The following GALM variants were observed in gnomAD, a reference collection of about 807,000 sequenced individuals.
GALM encodes aldose 1-epimerase.
In GALM, 43 loss-of-function variants were observed where a neutral mutation model predicts 37.4. That is an observed-to-expected ratio of 1.15 (90% CI 0.90 to 1.48). GALM has a LOEUF of 1.48. Ranked by LOEUF, GALM falls within the 40% of genes most tolerant of loss-of-function variation. The probability of loss-of-function intolerance (pLI) is 0.00; values close to 1 mark genes in which losing one functional copy is unlikely to be tolerated. For synonymous variants in GALM, 199 were observed against 170.6 expected (o/e 1.17, Z -1.30); for missense variants, 456 against 419.1 (o/e 1.09, Z -0.77).
intron 2 of GALM, among the ~76,000 whole-genome samples, chr2:38,678,056 T>G (rs1572513318): frequency 6.6e-6 from 1 of 151,746 alleles, no homozygotes; most frequent in African/African-American, 2.4e-5. Flanking sequence ...TGCTTTCATT[T>G]TCCAGGCTGG....
chr2:38,693,226 T>C (rs928870052), intron 4 of GALM, among the ~76,000 whole-genome samples: 1 of 152,180 alleles, frequency 6.6e-6, no homozygotes, highest in East Asian at 1.9e-4. Context: ...CTAATGCCTG[T>C]AATCCCAGCA....
At chr2:38,701,461 CTT>C (rs1426972457) in intron 4 of GALM, among the ~76,000 whole-genome samples, 5 of 152,162 alleles carry the variant, frequency 3.3e-5, no homozygotes, top group Admixed American at 6.5e-5. Context: ...AAAATCCCCT[CTT>C]CTTTTTTATT....
chr2:38,676,667 G>A (rs937059485), intron 2 of GALM, among the ~76,000 whole-genome samples: 5 of 152,218 alleles, frequency 3.3e-5, no homozygotes, highest in Admixed American at 1.3e-4. Context: ...GGAGGCTGAG[G>A]CAAGAGAATC....
intron 4 of GALM, among the ~76,000 whole-genome samples, chr2:38,715,053 A>G (rs1173464369): frequency 2.6e-5 from 4 of 152,288 alleles, no homozygotes; most frequent in Non-Finnish European, 5.9e-5. Flanking sequence ...GGTTGGGTGA[A>G]TACATATTTA....
Position 38,724,932 on chromosome 2 carries a change from T to C in GALM, c.635-4624T>C, listed in dbSNP as rs79324535. ...ATTGCTTGGTAACAGGAAAGAGACC[T>C]GATGTATGCCCTCTGTCTTTCCTTC... On this transcript the variant is annotated intron_variant, in intron 4 of 6. Transcript: ENST00000272252. 4.9e-3 allele frequency among the ~76,000 whole-genome samples: 739 copies of C among 152,314 alleles called. 28 individuals are homozygous for C. The South Asian group carries it at 0.069, about 14-fold the overall frequency.
At chr2:38,709,564 A>C (rs532634147) in intron 4 of GALM, among the ~76,000 whole-genome samples, 15 of 152,216 alleles carry the variant, frequency 9.9e-5, no homozygotes, top group South Asian at 6.2e-4. Context: ...AAAAAAAAAA[A>C]AAACATAAGA....
chr2:38,729,000 A>G (rs183893341), intron 4 of GALM, among the ~76,000 whole-genome samples: 2 of 152,278 alleles, frequency 1.3e-5, no homozygotes, highest in East Asian at 3.9e-4. Context: ...GTTACTATAT[A>G]TTTATGAGTA....
intron 5 of GALM, 80 bp from the exon 6 acceptor site, chr2:38,731,655 T>A: frequency 9.4e-7 from 1 of 1,060,226 alleles, no homozygotes; most frequent in Non-Finnish European, 1.4e-6. Flanking sequence ...CTGATTCCTG[T>A]CTCAAAGCCG....
At chr2:38,683,307 A>G (rs897325468) in intron 3 of GALM, among the ~76,000 whole-genome samples, 12 of 152,174 alleles carry the variant, frequency 7.9e-5, no homozygotes, top group African/African-American at 2.7e-4. Flanking sequence ...TTCCTAGATC[A>G]TAGACCCCAC....
At chr2:38,672,801 G>A (rs984282582) in intron 1 of GALM, among the ~76,000 whole-genome samples, 1 of 151,874 alleles carries the variant, frequency 6.6e-6, no homozygotes, top group African/African-American at 2.4e-5. Flanking sequence ...GAGGTCAGGA[G>A]TTTGAGACCA....
Position 38,731,844 on chromosome 2 carries a change from GCTGT to G in GALM, c.889_892del (p.Val297IlefsTer28), listed in dbSNP as rs1288569312. The G allele has an allele frequency of 6.2e-7, 1 of 1,614,106 alleles. No homozygotes were observed. The highest frequency in any genetic ancestry group is 1.3e-5 in the African/African-American group (1 of 75,030). On this transcript the variant is annotated frameshift_variant, in exon 6 of 7. Coordinates refer to ENST00000272252, the MANE Select transcript of GALM (RefSeq NM_138801.3). LOFTEE classifies it high-confidence loss of function. ...TGGCACATTAAAGGGCAAGAATGGA[GCTGT>G]CTATCCCAAGCACTCCGGTTTCTGC... is the stretch of plus-strand genomic sequence containing the variant.
chr2:38,702,877 C>T (rs1418348798), intron 4 of GALM, among the ~76,000 whole-genome samples: 1 of 145,558 alleles, frequency 6.9e-6, no homozygotes, highest in South Asian at 2.2e-4. Flanking sequence ...CTCTCCTTTA[C>T]ATTTGTTTTA....
intron 4 of GALM, among the ~76,000 whole-genome samples, chr2:38,727,620 G>A (rs538695802): frequency 7.2e-5 from 11 of 151,754 alleles, no homozygotes; most frequent in Admixed American, 5.3e-4. Context: ...CCAGCTCCTC[G>A]GGAGGCTGAG....
At chr2:38,688,513 G>GAA (rs201363784) in intron 3 of GALM, among the ~76,000 whole-genome samples, 6 of 138,108 alleles carry the variant, frequency 4.3e-5, no homozygotes, top group African/African-American at 1.6e-4. Context: ...CTCGGTCTCA[G>GAA]AAAAAAAAAA....
chr2:38,684,883 A>T (rs1037425684), intron 3 of GALM, among the ~76,000 whole-genome samples: 2 of 152,164 alleles, frequency 1.3e-5, no homozygotes, highest in African/African-American at 4.8e-5. Flanking sequence ...GTCTGGGGGA[A>T]TTCGAGATGA....
chr2:38,694,723 C>T (rs887246336), intron 4 of GALM, among the ~76,000 whole-genome samples: 19 of 151,662 alleles, frequency 1.3e-4, no homozygotes, highest in African/African-American at 4.6e-4. Context: ...GGTAAAACCC[C>T]GTCTCTACTA....
At chr2:38,678,157 C>T (rs12105897) in intron 2 of GALM, among the ~76,000 whole-genome samples, 5,989 of 151,990 alleles carry the variant, frequency 0.039, 392 homozygotes, top group African/African-American at 0.14. Flanking sequence ...GCTGGGATTA[C>T]AGGCATTCGC....
At chr2:38,733,387 C>A in intron 6 of GALM, 101 bp from the exon 7 acceptor site, 1 of 923,526 alleles carries the variant, frequency 1.1e-6, no homozygotes, top group Non-Finnish European at 1.8e-6. Flanking sequence ...TGGCAGCCAT[C>A]CACAGAGCAC....
chr2:38,718,025 G>A (rs145814275), intron 4 of GALM, among the ~76,000 whole-genome samples: 3 of 149,728 alleles, frequency 2.0e-5, no homozygotes, highest in Non-Finnish European at 4.4e-5. Context: ...TTGCAGAGAC[G>A]GGGATCCTGC....
Sources: allele counts gnomAD v4.1 joint callset (sites outside exome capture counted in the v4.1 genomes callset), GRCh38; gene constraint gnomAD v4.1.1; transcripts MANE v1.5; gene names NCBI Gene and HGNC (gene_info 2026-07-23, HGNC 2026-07-21).